Variants in ATP8A2 observed in about 807,000 individuals in gnomAD.
The protein encoded by ATP8A2 is phospholipid-transporting ATPase IB.
Under a neutral mutation model 165.6 loss-of-function variants are expected in ATP8A2, and 100 were observed. The observed-to-expected ratio is 0.60, with a 90% confidence interval of 0.51 to 0.71. The LOEUF is 0.71. Ranked by LOEUF, ATP8A2 falls within the 30% of genes least tolerant of loss-of-function variation. The probability of loss-of-function intolerance (pLI) is 0.00; values close to 1 mark genes in which losing one functional copy is unlikely to be tolerated. For synonymous variants in ATP8A2, 543 were observed against 548.8 expected (o/e 0.99, Z 0.15); for missense variants, 1,227 against 1,479.5 (o/e 0.83, Z 2.80).
chr13:25,669,386 A>G (rs1275415408), intron 24 of ATP8A2, among the ~76,000 whole-genome samples: 2 of 152,226 alleles, frequency 1.3e-5, no homozygotes, highest in Non-Finnish European at 2.9e-5. Flanking sequence ...AAAAGAAAAG[A>G]AAAAAACAAA....
intron 24 of ATP8A2, among the ~76,000 whole-genome samples, chr13:25,695,183 A>G (rs1460714566): frequency 6.6e-6 from 1 of 151,062 alleles, no homozygotes; most frequent in Non-Finnish European, 1.5e-5. Flanking sequence ...TTTACACGGT[A>G]CTGTACTCTA....
intron 24 of ATP8A2, among the ~76,000 whole-genome samples, chr13:25,683,364 T>A (rs994677809): frequency 3.9e-5 from 6 of 152,214 alleles, no homozygotes; most frequent in Non-Finnish European, 8.8e-5. Flanking sequence ...TCTAGACACA[T>A]AAGTTTCTTA....
At chr13:25,744,045 A>C (rs533926814) in intron 25 of ATP8A2, among the ~76,000 whole-genome samples, 2 of 152,222 alleles carry the variant, frequency 1.3e-5, no homozygotes, top group Admixed American at 6.5e-5. Context: ...GTCATTAACT[A>C]TCTTATATTG....
chr13:25,954,157 C>G (rs1004719987), intron 33 of ATP8A2, among the ~76,000 whole-genome samples: 2 of 152,284 alleles, frequency 1.3e-5, no homozygotes, highest in South Asian at 2.1e-4. Context: ...CTGGGACACT[C>G]GAGCTTGGTT....
At chr13:25,711,585 C>T (rs1038940317) in intron 25 of ATP8A2, among the ~76,000 whole-genome samples, 2 of 151,938 alleles carry the variant, frequency 1.3e-5, no homozygotes, top group African/African-American at 4.8e-5. Context: ...CAAACAGAGC[C>T]TTAGGAGAAG....
intron 25 of ATP8A2, among the ~76,000 whole-genome samples, chr13:25,761,500 G>A (rs2044377795): frequency 6.6e-6 from 1 of 152,066 alleles, no homozygotes; most frequent in Non-Finnish European, 1.5e-5. Flanking sequence ...GAGCTAAGCT[G>A]GGCAAAGTGA....
At chr13:25,635,991 A>G (rs1165945449) in intron 24 of ATP8A2, among the ~76,000 whole-genome samples, 1 of 152,172 alleles carries the variant, frequency 6.6e-6, no homozygotes, top group Non-Finnish European at 1.5e-5. Flanking sequence ...CCAGATTTGC[A>G]TGCCTGGAGG....
At chr13:25,777,248 A>G (rs1438219142) in intron 27 of ATP8A2, among the ~76,000 whole-genome samples, 1 of 152,206 alleles carries the variant, frequency 6.6e-6, no homozygotes, top group Non-Finnish European at 1.5e-5. Flanking sequence ...CCAAGAAAGC[A>G]AAATCCTTGA....
In ATP8A2 at chr13:25,854,079, A is replaced by G. The variant is rs565688641; in HGVS notation, c.2957-6116A>G. 3.8e-4 allele frequency among the ~76,000 whole-genome samples: 58 copies of G among 152,280 alleles called. 1 individual carries two copies. The highest frequency in any genetic ancestry group is 3.4e-3 in the Middle Eastern group (1 of 294). ...TACGGGGACTGCCTCCACTAACCCT[A>G]GTTCCCTTCTCTCCACCTCATGTTT... is the stretch of plus-strand genomic sequence containing the variant. On this transcript the variant is annotated intron_variant, in intron 30 of 36. Coordinates refer to ENST00000381655, the MANE Select transcript of ATP8A2 (RefSeq NM_016529.6).
chr13:25,520,189 G>T (rs533463151), intron 2 of ATP8A2, among the ~76,000 whole-genome samples: 2 of 152,192 alleles, frequency 1.3e-5, no homozygotes, highest in South Asian at 4.1e-4. Context: ...ACCCCTCCTA[G>T]CCTCTGGTAA....
rs1957116695 is a variant in ATP8A2 at position 26,023,594 on chromosome 13, C to T, written c.*3609C>T. On this transcript the variant is annotated 3_prime_UTR_variant, in exon 37 of 37. Transcript: ENST00000381655. ...AAAAGAAAGTTATAGTCTGTAATTT[C>T]CATTTGTTATAATAATGACCTTTAA... The T allele has an allele frequency of 6.6e-6, 1 of 152,126 alleles. No homozygotes were observed. The highest frequency in any genetic ancestry group is 2.4e-5 in the African/African-American group (1 of 41,408). 9.4% of individuals were successfully genotyped at this position (152,126 alleles called of 1,614,324 possible). A position where few individuals can be genotyped will look rare whatever the true frequency, so the allele number is the denominator to read the frequency against.
At chr13:25,846,129 C>T (rs571717763) in intron 30 of ATP8A2, among the ~76,000 whole-genome samples, 14 of 152,248 alleles carry the variant, frequency 9.2e-5, no homozygotes, top group Admixed American at 2.0e-4. Context: ...GAGCCGAGAT[C>T]GTGCCATTGC....
intron 24 of ATP8A2, 127 bp from the exon 25 acceptor site, chr13:25,699,046 T>C (rs981449788): frequency 1.1e-5 from 8 of 719,838 alleles, no homozygotes; most frequent in Non-Finnish European, 1.7e-5. Context: ...TGTGCAAAGC[T>C]GAACTGATAG....
chr13:25,532,998 C>T (rs2038163724), intron 5 of ATP8A2, among the ~76,000 whole-genome samples: 1 of 151,196 alleles, frequency 6.6e-6, no homozygotes, highest in Non-Finnish European at 1.5e-5. Context: ...GAACAGCAGG[C>T]TTTTTTTTTC....
In ATP8A2 at chr13:25,396,107, G is replaced by A. The variant is rs145227355; in HGVS notation, c.76+23819G>A. On this transcript the variant is annotated intron_variant, in intron 1 of 36. Coordinates refer to ENST00000381655, the MANE Select transcript of ATP8A2 (RefSeq NM_016529.6). ...TCTGCCCGCCTTGGCCTCCCAAAGT[G>A]CTGAGATTACAGGTGTGAGCCACCA... Among the ~76,000 whole-genome samples, 56 of 152,318 alleles carry A rather than the reference G, an allele frequency of 3.7e-4. No individual in the cohort carries two copies. The East Asian group carries it at 0.011, about 29-fold the overall frequency.
intron 24 of ATP8A2, among the ~76,000 whole-genome samples, chr13:25,648,589 G>T (rs2041735158): frequency 6.6e-6 from 1 of 152,092 alleles, no homozygotes; most frequent in Non-Finnish European, 1.5e-5. Flanking sequence ...GCTTGAACCT[G>T]GGAGGCAGAG....
chr13:25,432,216 T>C (rs2034635720), intron 1 of ATP8A2, among the ~76,000 whole-genome samples: 1 of 152,218 alleles, frequency 6.6e-6, no homozygotes, highest in Non-Finnish European at 1.5e-5. Context: ...AAAGCTACGG[T>C]AGCCAGTATG....
intron 23 of ATP8A2, among the ~76,000 whole-genome samples, chr13:25,583,931 C>T (rs1318342856): frequency 6.6e-6 from 1 of 152,208 alleles, no homozygotes; most frequent in Non-Finnish European, 1.5e-5. Flanking sequence ...CTCTCCAAGA[C>T]CGCTAGAAGA....
At chr13:25,481,734 C>T (rs76170422) in intron 2 of ATP8A2, among the ~76,000 whole-genome samples, 2,132 of 152,292 alleles carry the variant, frequency 0.014, 39 homozygotes, top group African/African-American at 0.042. Context: ...GGTTCTGGTG[C>T]GGGCTCTCTC....
Sources: gnomAD v4.1 joint callset for allele counts (sites outside exome capture counted in the v4.1 genomes callset) on GRCh38, gnomAD v4.1.1 for gene constraint, MANE v1.5 for transcripts, NCBI Gene and HGNC (gene_info 2026-07-23, HGNC 2026-07-21) for gene names.